Variants in IL1RAP observed in about 807,000 individuals in gnomAD.
IL1RAP encodes interleukin 1 receptor accessory protein.
A neutral mutation model predicts 60.7 loss-of-function variants in IL1RAP; 35 were observed. The observed-to-expected ratio is 0.58, with a 90% CI of 0.44 to 0.76. IL1RAP has a LOEUF of 0.76. IL1RAP is among the 30% of genes least tolerant of loss of function. The pLI is 0.00. For missense variants in IL1RAP, 572 were observed against 693.9 expected (o/e 0.82, Z 1.97); for synonymous variants, 268 against 250.9 (o/e 1.07, Z -0.64).
chr3:190,605,951 C>T (rs1452158949), intron 4 of IL1RAP, among the ~76,000 whole-genome samples: 1 of 152,100 alleles, frequency 6.6e-6, no homozygotes, highest in Non-Finnish European at 1.5e-5. Context: ...TGTTTTTTCT[C>T]TCATGGAGAG....
At chr3:190,530,820 C>A (rs1019122888) in intron 1 of IL1RAP, among the ~76,000 whole-genome samples, 5 of 152,202 alleles carry the variant, frequency 3.3e-5, no homozygotes, top group Non-Finnish European at 7.3e-5. Flanking sequence ...AAGTGCCCAA[C>A]AAGTTACAGA....
rs573842225 is a variant in IL1RAP at position 190,567,715 on chromosome 3, G to A, written c.64+3362G>A. ...ACTCTGTGATAGGTTTCTATGCTTTGTAGGTAAGGTATATCCTTACACGCT... is the reference window on the plus strand; with the variant it reads ...ACTCTGTGATAGGTTTCTATGCTTTATAGGTAAGGTATATCCTTACACGCT... On this transcript the variant is annotated intron_variant, in intron 3 of 11. Coordinates refer to ENST00000447382, the MANE Select transcript of IL1RAP (RefSeq NM_002182.4). Among the ~76,000 whole-genome samples the A allele has an allele frequency of 7.2e-5, 11 of 152,272 alleles. No homozygotes were observed. In the East Asian group the frequency reaches 2.1e-3, roughly 29 times the overall value.
At chr3:190,542,400 A>G (rs1724014763) in intron 1 of IL1RAP, among the ~76,000 whole-genome samples, 1 of 152,164 alleles carries the variant, frequency 6.6e-6, no homozygotes, top group South Asian at 2.1e-4. Context: ...CATCTGTAAG[A>G]CAGGAAAATT....
chr3:190,522,001 G>A (rs9848635), intron 1 of IL1RAP, among the ~76,000 whole-genome samples: 59,875 of 151,892 alleles, frequency 0.39, 14,251 homozygotes, highest in African/African-American at 0.67. Context: ...CCACAGAAGA[G>A]GCTTGACTCT....
At chr3:190,637,855 A>G (rs1577800280) in intron 9 of IL1RAP, among the ~76,000 whole-genome samples, 1 of 151,714 alleles carries the variant, frequency 6.6e-6, no homozygotes, top group Non-Finnish European at 1.5e-5. Context: ...TATATTCTAG[A>G]ACTCTGTGTA....
intron 7 of IL1RAP, 79 bp from the exon 8 acceptor site, chr3:190,627,244 T>G: frequency 7.9e-7 from 1 of 1,261,182 alleles, no homozygotes; most frequent in Non-Finnish European, 1.1e-6. Context: ...TGGGCTAACT[T>G]TGTCTTTGTT....
At chr3:190,611,845 T>G (rs1443819417) in intron 5 of IL1RAP, among the ~76,000 whole-genome samples, 2 of 151,092 alleles carry the variant, frequency 1.3e-5, no homozygotes, top group East Asian at 1.9e-4. Context: ...AGAAAAGGAG[T>G]GAGGAAGAGA....
intron 3 of IL1RAP, among the ~76,000 whole-genome samples, chr3:190,588,366 C>T (rs755747752): frequency 1.2e-4 from 19 of 152,240 alleles, no homozygotes; most frequent in Non-Finnish European, 1.6e-4. Context: ...CCCGCCTGGG[C>T]CTCCCAAAGT....
At chr3:190,552,543 T>G (rs947794803) in intron 1 of IL1RAP, among the ~76,000 whole-genome samples, 10 of 152,194 alleles carry the variant, frequency 6.6e-5, no homozygotes, top group Non-Finnish European at 1.3e-4. Flanking sequence ...TTGTCTTCCC[T>G]TTTAAAAACA....
At chr3:190,576,817 T>C (rs966206940) in intron 3 of IL1RAP, among the ~76,000 whole-genome samples, 4 of 152,208 alleles carry the variant, frequency 2.6e-5, no homozygotes, top group Non-Finnish European at 5.9e-5. Flanking sequence ...ATATTTTTCA[T>C]AGGATTGTTA....
intron 3 of IL1RAP, among the ~76,000 whole-genome samples, chr3:190,598,459 T>G (rs1442221491): frequency 1.3e-5 from 2 of 152,188 alleles, no homozygotes; most frequent in East Asian, 3.8e-4. Context: ...TGGTTTGACA[T>G]AGAATGGGTT....
At chr3:190,550,792 A>AG (rs1458068144) in intron 1 of IL1RAP, among the ~76,000 whole-genome samples, 2 of 152,222 alleles carry the variant, frequency 1.3e-5, no homozygotes, top group African/African-American at 2.4e-5. Context: ...AAAATAACTA[A>AG]TGAATTTAGA....
chr3:190,643,889 C>G (rs536876657), intron 9 of IL1RAP, among the ~76,000 whole-genome samples: 1 of 152,180 alleles, frequency 6.6e-6, no homozygotes, highest in South Asian at 2.1e-4. Context: ...AGATATGGAC[C>G]GAGGATGGAA....
In IL1RAP at chr3:190,650,920, T is replaced by G; in HGVS notation, c.*2215T>G. Reference sequence around the variant, plus strand: ...TCCTTTTGCACTTTTGGATTCCATATTTATCCCAAATGCTGTTGGGCACCC... The same window carrying G: ...TCCTTTTGCACTTTTGGATTCCATAGTTATCCCAAATGCTGTTGGGCACCC... On this transcript the variant is annotated 3_prime_UTR_variant, in exon 12 of 12. Transcript: ENST00000447382. The G allele has an allele frequency of 2.0e-6, 2 of 985,350 alleles. No homozygotes were observed. The highest frequency in any genetic ancestry group is 2.4e-6 in the Non-Finnish European group (2 of 829,822). 61.0% of individuals were successfully genotyped at this position (985,350 alleles called of 1,614,324 possible).
chr3:190,594,273 G>A (rs1729192392), intron 3 of IL1RAP, among the ~76,000 whole-genome samples: 1 of 152,160 alleles, frequency 6.6e-6, no homozygotes, highest in Non-Finnish European at 1.5e-5. Flanking sequence ...TCCAAGTAAT[G>A]AGGATATAAA....
In IL1RAP at chr3:190,604,290, A is replaced by G. The variant is rs763566685; in HGVS notation, c.227A>G (p.Asp76Gly). 1.2e-6 allele frequency: 2 copies of G among 1,613,894 alleles called. No individual in the cohort carries two copies. Among genetic ancestry groups the G allele is most frequent in the African/African-American group, 1.3e-5 (1 of 74,884 alleles). Reference sequence around the variant, plus strand: ...CTGATCTGGTATTGGACTAGGCAGGACCGGGACCTTGAGGAGCCAATTAAC... The same window carrying G: ...CTGATCTGGTATTGGACTAGGCAGGGCCGGGACCTTGAGGAGCCAATTAAC... ...LTLIWYWTRQ[D>G]RDLEEPINFR... Residue 76 changes from aspartate (D) to glycine (G), a missense_variant, in exon 4 of 12, where the codon GAC becomes GGC. By Grantham distance (94) the Asp-to-Gly change is moderately conservative. Coordinates refer to ENST00000447382, the MANE Select transcript of IL1RAP (RefSeq NM_002182.4).
chr3:190,610,039 G>C (rs1025427284), intron 5 of IL1RAP, among the ~76,000 whole-genome samples: 1 of 152,178 alleles, frequency 6.6e-6, no homozygotes, highest in African/African-American at 2.4e-5. Flanking sequence ...AAGCTCTGAA[G>C]GGGTGGGAAA....
intron 5 of IL1RAP, among the ~76,000 whole-genome samples, chr3:190,617,371 T>G (rs1731369311): frequency 6.6e-6 from 1 of 152,204 alleles, no homozygotes; most frequent in Admixed American, 6.5e-5. Flanking sequence ...TTCGTTTCAG[T>G]TGAAAGATCC....
In IL1RAP at chr3:190,649,418, A is replaced by G. The variant is rs1734258199; in HGVS notation, c.*713A>G. 3.0e-6 allele frequency: 3 copies of G among 985,412 alleles called. No homozygotes were observed. The highest frequency in any genetic ancestry group is 2.4e-6 in the Non-Finnish European group (2 of 829,812). 61.0% of individuals were successfully genotyped at this position (985,412 alleles called of 1,614,324 possible). On this transcript the variant is annotated 3_prime_UTR_variant, in exon 12 of 12. Coordinates refer to ENST00000447382, the MANE Select transcript of IL1RAP (RefSeq NM_002182.4). ...CCTGATTATCCACAGGTCAACCCAC[A>G]TTTTTTCATTCCTTCTCCCTATCTG...
Sources: gnomAD v4.1 joint callset for allele counts (sites outside exome capture counted in the v4.1 genomes callset) on GRCh38, gnomAD v4.1.1 for gene constraint, MANE v1.5 for transcripts, NCBI Gene and HGNC (gene_info 2026-07-23, HGNC 2026-07-21) for gene names.